The following COL16A1 variants were observed in gnomAD, a reference collection of about 807,000 sequenced individuals.
The protein encoded by COL16A1 is collagen type XVI alpha 1 chain, also known as collagen alpha-1(XVI) chain.
Under a neutral mutation model 266.3 loss-of-function variants are expected in COL16A1, and 189 were observed. The observed-to-expected ratio is 0.71, with a 90% CI of 0.63 to 0.80. The LOEUF (loss-of-function observed/expected upper bound fraction) is 0.80. Among genes scored for constraint, COL16A1 ranks in the 30% least tolerant of loss-of-function variants. The probability of loss-of-function intolerance (pLI) is 0.00; values close to 1 mark genes in which losing one functional copy is unlikely to be tolerated. For synonymous variants in COL16A1, 740 were observed against 782.3 expected, an observed-to-expected ratio of 0.95 and a Z score of 0.90; for missense variants, 1,928 against 2,122.4, an observed-to-expected ratio of 0.91 and a Z score of 1.80.
chr1:31,665,695 G>T, intron 54 of COL16A1, 77 bp from the exon 55 acceptor site: 3 of 1,576,960 alleles, frequency 1.9e-6, no homozygotes, highest in Non-Finnish European at 2.6e-6. Context: ...AAAGAGTGAC[G>T]GGGGGGGCAC....
chr1:31,683,175 C>T lies in COL16A1; in HGVS notation c.2469+19G>A. On this transcript the variant is annotated intron_variant, in intron 36 of 70. Coordinates refer to ENST00000373672, the MANE Select transcript of COL16A1 (RefSeq NM_001856.4). ...TCTGGAATACTGCAGGCCCAATACC[C>T]ATGGAGGCAGAGGCTCACCTGGGCA... The T allele has an allele frequency of 6.2e-7, 1 of 1,614,118 alleles. No individual in the cohort carries two copies. Among genetic ancestry groups the T allele is most frequent in the Non-Finnish European group, 8.5e-7 (1 of 1,180,022 alleles).
rs201165083 is a variant in COL16A1, at chr1:31,684,582, G to A, written c.2101C>T (p.Arg701Trp). The A allele has an allele frequency of 1.1e-4, 179 of 1,613,844 alleles. No homozygotes were observed. In the African/African-American group the frequency reaches 1.5e-3, roughly 14 times the overall value. Residue 701 changes from arginine to tryptophan, a missense_variant, in exon 31 of 71, where the codon CGG becomes TGG. This residue lies in a region of COL16A1 where 1,552 missense variants were observed against 1,637.2 expected (regional missense o/e 0.95). Transcript: ENST00000373672. Reference protein sequence around the residue: ...GDPGTPGTTGRPGLSGEPGVQ... With the variant: ...GDPGTPGTTGWPGLSGEPGVQ... ...CCAGGCTCTCCTGACAGTCCTGGCC[G>A]CCCTGTGGTGCCCGGCGTTCCAGGG...
rs369036795 is a variant in COL16A1 at position 31,661,680 on chromosome 1, G to C, written c.3706C>G (p.Pro1236Ala). The C allele has an allele frequency of 7.5e-6, 12 of 1,605,328 alleles. No individual in the cohort carries two copies. Among genetic ancestry groups the C allele is most frequent in the Non-Finnish European group, 9.3e-6 (11 of 1,177,774 alleles). Residue 1236 changes from proline to alanine, a missense_variant, in exon 59 of 71, where the codon CCT becomes GCT. Pro to Ala is a conservative substitution (Grantham distance 27). Around this residue, in one of 2 missense-constraint regions of COL16A1, gnomAD observed 1,552 missense variants for 1,637.2 expected, o/e 0.95. Coordinates refer to ENST00000373672, the MANE Select transcript of COL16A1 (RefSeq NM_001856.4). ...CTTACCGGTGGTCCCATGAGTCCAG[G>C]GGGGCCAGCAGGACCAGGGTCCCCC... ...LRGDPGPAGP[P>A]GLMGPPGFKG...
chr1:31,672,477 C>G lies in COL16A1; in HGVS notation c.3044G>C (p.Gly1015Ala), dbSNP rs775363648. 6.2e-7 allele frequency: 1 copy of G among 1,614,176 alleles called. No homozygotes were observed. The highest frequency in any genetic ancestry group is 8.5e-7 in the Non-Finnish European group (1 of 1,180,022). The change falls in exon 47 of 71, where the codon GGC becomes GCC. Residue 1015 changes from glycine (G) to alanine (A), a missense_variant. This residue lies in a region of COL16A1 where 1,552 missense variants were observed against 1,637.2 expected (regional missense o/e 0.95). Coordinates refer to ENST00000373672, the MANE Select transcript of COL16A1 (RefSeq NM_001856.4). ...AGGTAGGCCTGGGCTCCCAACACAG[C>G]CAGGATCTCCCTCACTGTTGTCACC... The part of the protein sequence containing the change: ...ARGDNSEGDP[G>A]CVGSPGLPGP...
chr1:31,673,878 C>T (rs557556488), intron 44 of COL16A1, among the ~76,000 whole-genome samples: 93 of 152,332 alleles, frequency 6.1e-4, no homozygotes, highest in African/African-American at 1.0e-3. Flanking sequence ...CCACACTATG[C>T]GCACTTTCTA....
chr1:31,662,474 C>T, intron 57 of COL16A1, 87 bp from the exon 58 acceptor site: 1 of 1,562,102 alleles, frequency 6.4e-7, no homozygotes. Context: ...ATTCTCTCCA[C>T]CCCTCCCCTG....
rs973810506 is a variant in COL16A1 at position 31,664,974 on chromosome 1, C to T, written c.3555+198G>A. On this transcript the variant is annotated intron_variant, in intron 56 of 70. Coordinates refer to ENST00000373672, the MANE Select transcript of COL16A1 (RefSeq NM_001856.4). The surrounding 1 kb of genome is among the most constrained non-coding windows in gnomAD (Gnocchi z 5.5). ...GGCATCCTGGGCCAAGCAGACATCC[C>T]GAGGAGCCCACTGGTCCACTGCAAG... 6.6e-6 allele frequency among the ~76,000 whole-genome samples: 1 copy of T among 152,194 alleles called. No homozygotes were observed. Among genetic ancestry groups the T allele is most frequent in the Non-Finnish European group, 1.5e-5 (1 of 68,034 alleles).
chr1:31,657,000 C>A lies in COL16A1; in HGVS notation c.4056+33G>T. On this transcript the variant is annotated intron_variant, in intron 65 of 70. Transcript: ENST00000373672. The surrounding 1 kb of genome is among the most constrained non-coding windows in gnomAD (Gnocchi z 4.2). ...GCAAGGCGAGGAGCAAGAAGCACCC[C>A]CAAGGAAACAGAGAAGACCAGTACA... 1 of 1,614,032 alleles carries A rather than the reference C, an allele frequency of 6.2e-7. No individual in the cohort carries two copies. The highest frequency in any genetic ancestry group is 1.3e-5 in the African/African-American group (1 of 75,002).
intron 23 of COL16A1, 103 bp from the exon 24 acceptor site, chr1:31,689,188 C>T: frequency 6.4e-7 from 1 of 1,572,146 alleles, no homozygotes. Context: ...GCAAACCGTC[C>T]AAACACCTAG....
intron 22 of COL16A1, 149 bp from the exon 23 acceptor site, chr1:31,690,000 C>A: frequency 1.5e-6 from 1 of 670,022 alleles, no homozygotes; most frequent in Non-Finnish European, 2.6e-6. Flanking sequence ...GCCGCTGGGG[C>A]TTCCTGTTCA....
intron 43 of COL16A1, 41 bp downstream of exon 43, chr1:31,675,217 C>A: frequency 4.3e-6 from 7 of 1,614,014 alleles, no homozygotes; most frequent in Non-Finnish European, 5.9e-6. Flanking sequence ...CTGGGAAGGG[C>A]AGGGAAGGGG....
Position 31,690,604 on chromosome 1 carries a change from C to A in COL16A1, c.1438-31G>T, listed in dbSNP as rs759238125. 57 of 1,611,418 alleles carry A rather than the reference C, an allele frequency of 3.5e-5. 2 individuals are homozygous for A. In the South Asian group the frequency reaches 4.7e-4, roughly 13 times the overall value. ...GTCAGAAGAAAGGATAAGCGGGGAGCCTTCTGGCCAATGCAATCTCGGTGC... is the reference window on the plus strand; with the variant it reads ...GTCAGAAGAAAGGATAAGCGGGGAGACTTCTGGCCAATGCAATCTCGGTGC... On this transcript the variant is annotated intron_variant, in intron 20 of 70. Coordinates refer to ENST00000373672, the MANE Select transcript of COL16A1 (RefSeq NM_001856.4).
chr1:31,698,684 C>T lies in COL16A1; in HGVS notation c.267-78G>A. ...TGCCCACCCTGAGCCCTCAGGACTG[C>T]TGAGCCTACCCAAGACATCCACAGG... On this transcript the variant is annotated intron_variant, in intron 4 of 70. Coordinates refer to ENST00000373672, the MANE Select transcript of COL16A1 (RefSeq NM_001856.4). The surrounding 1 kb of genome is among the most constrained non-coding windows in gnomAD (Gnocchi z 4.1). 6.4e-7 allele frequency: 1 copy of T among 1,571,214 alleles called. No homozygotes were observed. The highest frequency in any genetic ancestry group is 8.6e-7 in the Non-Finnish European group (1 of 1,162,620).
intron 58 of COL16A1, 172 bp from the exon 59 acceptor site, chr1:31,661,876 C>T: frequency 4.3e-6 from 3 of 690,220 alleles, no homozygotes; most frequent in Non-Finnish European, 7.3e-6. Context: ...CTTCCAGCCC[C>T]TCTCCGGGCC....
chr1:31,662,657 C>G lies in COL16A1; in HGVS notation c.3557G>C (p.Gly1186Ala). 6.5e-7 allele frequency: 1 copy of G among 1,547,318 alleles called. No individual in the cohort carries two copies. ...TGATGGGCCTCGAATCCCTTCGCTG[C>G]CCTGGAAACCAGCGCCGCCCCCCCC... is the stretch of plus-strand genomic sequence containing the variant. ...PGPPGPQAEK[G>A]SEGIRGPSGL... Residue 1186 changes from glycine to alanine, a missense_variant and splice_region_variant, in exon 57 of 71, where the codon GGC becomes GCC. Transcript: ENST00000373672.
intron 13 of COL16A1, 123 bp downstream of exon 13, chr1:31,692,969 C>G (rs567304607): frequency 1.1e-5 from 10 of 940,442 alleles, no homozygotes; most frequent in East Asian, 2.6e-5. Flanking sequence ...CCTCACCCCC[C>G]TCCCGTGATC....
Position 31,698,094 on chromosome 1 carries a change from T to C in COL16A1, c.469A>G (p.Ile157Val). 1 of 1,613,972 alleles carries C rather than the reference T, an allele frequency of 6.2e-7. No homozygotes were observed. Among genetic ancestry groups the C allele is most frequent in the Non-Finnish European group, 8.5e-7 (1 of 1,180,026 alleles). Residue 157 changes from isoleucine to valine, a missense_variant, in exon 6 of 71, where the codon ATC becomes GTC. By Grantham distance (29) the Ile-to-Val change is conservative (BLOSUM62 3). This residue lies in a region of COL16A1 where 1,552 missense variants were observed against 1,637.2 expected (regional missense o/e 0.95). Coordinates refer to ENST00000373672, the MANE Select transcript of COL16A1 (RefSeq NM_001856.4). This position sits in a 1 kb window ranked among gnomAD's most constrained non-coding sequence, Gnocchi z 4.1. ...TCGAAGAGCTGGGGCACTGGGAAGATGCAGGACACAAAGTCGCCATCCTGG... is the reference window on the plus strand; with the variant it reads ...TCGAAGAGCTGGGGCACTGGGAAGACGCAGGACACAAAGTCGCCATCCTGG... Reference protein sequence around the residue: ...QGQDGDFVSCIFPVPQLFDLR... With the variant: ...QGQDGDFVSCVFPVPQLFDLR...
intron 42 of COL16A1, among the ~76,000 whole-genome samples, chr1:31,677,188 C>T (rs1319822849): frequency 3.3e-5 from 5 of 152,214 alleles, no homozygotes; most frequent in African/African-American, 9.6e-5. Flanking sequence ...TGGGTTCAAG[C>T]GATTCTCCTG....
Position 31,657,148 on chromosome 1 carries a change from A to G in COL16A1, c.4021-80T>C. 1 of 1,562,782 alleles carries G rather than the reference A, an allele frequency of 6.4e-7. No individual in the cohort carries two copies. The highest frequency in any genetic ancestry group is 8.8e-7 in the Non-Finnish European group (1 of 1,134,158). On this transcript the variant is annotated intron_variant, in intron 64 of 70. Transcript: ENST00000373672. The surrounding 1 kb of genome is among the most constrained non-coding windows in gnomAD (Gnocchi z 6.4). The stretch of plus-strand genomic sequence containing the variant: ...GATGCCTCACTTTGTACATGGGGCA[A>G]GCCCAGCCCCCTGTTCCACCCAGAG...
Sources: gnomAD v4.1 joint callset for allele counts (sites outside exome capture counted in the v4.1 genomes callset) on GRCh38, gnomAD v4.1.1 for gene constraint, gnomAD v4.1.1 regional missense constraint, Gnocchi (gnomAD v3.1) non-coding constraint, MANE v1.5 for transcripts, NCBI Gene and HGNC (gene_info 2026-07-23, HGNC 2026-07-21) for gene names.